The following SCYL3 variants were observed in gnomAD, a reference collection of about 807,000 sequenced individuals.
SCYL3 encodes the protein protein-associating with the carboxyl-terminal domain of ezrin.
In SCYL3, 35 loss-of-function variants were observed where a neutral mutation model predicts 73.8. The ratio of observed to expected loss-of-function variants is 0.47; its 90% CI spans 0.36 to 0.63. SCYL3 has a LOEUF of 0.63. Among genes scored for constraint, SCYL3 ranks in the 20% least tolerant of loss-of-function variants. The probability of loss-of-function intolerance (pLI) is 0.00; values close to 1 mark genes in which losing one functional copy is unlikely to be tolerated. For synonymous variants in SCYL3, 277 were observed against 295.2 expected (o/e 0.94, Z 0.63); for missense variants, 712 against 798.9 (o/e 0.89, Z 1.31).
At chr1:169,873,046 G>C (rs1266939998) in intron 5 of SCYL3, among the ~76,000 whole-genome samples, 1 of 152,130 alleles carries the variant, frequency 6.6e-6, no homozygotes, top group African/African-American at 2.4e-5. Flanking sequence ...GAAATGTGAG[G>C]ACATGAGACT....
At position 169,862,682 on chromosome 1, in the gene SCYL3, C is replaced by G; in HGVS notation, c.1071G>C (p.Leu357=). The G allele has an allele frequency of 1.2e-6, 2 of 1,614,224 alleles. No individual in the cohort carries two copies. The highest frequency in any genetic ancestry group is 2.2e-5 in the South Asian group (2 of 91,086). ...CCACGTAGGCCTCGATGTGAGACAGCAGCACCATCCGCACATGCTCTTCAT... is the reference window on the plus strand; with the variant it reads ...CCACGTAGGCCTCGATGTGAGACAGGAGCACCATCCGCACATGCTCTTCAT... ...EVHEEHVRMV[L]LSHIEAYVEH... is the part of the protein sequence containing the mutation. Residue 357 remains leucine (L), a synonymous_variant, in exon 10 of 13, where the codon CTG becomes CTC. Transcript: ENST00000367771.
In SCYL3 at chr1:169,893,882, G is replaced by C. The variant is rs1355638454; in HGVS notation, c.-145C>G. The C allele has an allele frequency of 6.5e-6, 1 of 152,834 alleles. No homozygotes were observed. The highest frequency in any genetic ancestry group is 1.9e-4 in the East Asian group (1 of 5,208). 9.5% of individuals were successfully genotyped at this position (152,834 alleles called of 1,614,324 possible). ...ACCAACCACCCCTGCCTGCCTGTAA[G>C]GCTGTGGCCACTACACCCACAATCT... On this transcript the variant is annotated 5_prime_UTR_variant, in exon 1 of 13. Transcript: ENST00000367771.
chr1:169,854,139 ATTT>A, intron 12 of SCYL3, 128 bp downstream of exon 12: 2 of 696,002 alleles, frequency 2.9e-6, no homozygotes, highest in Non-Finnish European at 4.5e-6. Flanking sequence ...ATAGAAACTG[ATTT>A]TGTTAATTTT....
intron 3 of SCYL3, 127 bp downstream of exon 3, chr1:169,878,507 T>C (rs1661011633): frequency 2.4e-6 from 2 of 839,668 alleles, no homozygotes; most frequent in Non-Finnish European, 3.5e-6. Flanking sequence ...CCTCAGGAAG[T>C]TTTCTAATAA....
At chr1:169,863,762 T>C (rs577939490) in intron 9 of SCYL3, among the ~76,000 whole-genome samples, 10 of 152,302 alleles carry the variant, frequency 6.6e-5, no homozygotes, top group Admixed American at 5.2e-4. Flanking sequence ...AGTAGAGATA[T>C]AAGGAAATTC....
intron 7 of SCYL3, 30 bp downstream of exon 7, chr1:169,868,898 A>C (rs1446899215): frequency 1.3e-6 from 2 of 1,529,054 alleles, no homozygotes; most frequent in Non-Finnish European, 1.8e-6. Flanking sequence ...TTCCGGAAGC[A>C]GCTGGCGTCA....
At chr1:169,880,003 C>T (rs1661135842) in intron 2 of SCYL3, among the ~76,000 whole-genome samples, 1 of 152,012 alleles carries the variant, frequency 6.6e-6, no homozygotes, top group Non-Finnish European at 1.5e-5. Context: ...TTTGGGGACT[C>T]ACACCTGTAA....
At chr1:169,862,112 T>C (rs1056301293) in intron 10 of SCYL3, among the ~76,000 whole-genome samples, 2 of 152,210 alleles carry the variant, frequency 1.3e-5, no homozygotes, top group Admixed American at 6.5e-5. Context: ...AATAAATTTG[T>C]ATTGCTTTAA....
In SCYL3 at chr1:169,853,754, C is replaced by T. The variant is rs1327875193; in HGVS notation, c.2026G>A (p.Glu676Lys). The T allele has an allele frequency of 6.2e-7, 1 of 1,613,800 alleles. No homozygotes were observed. Residue 676 changes from glutamate (E) to lysine (K), a missense_variant, in exon 13 of 13, where the codon GAA (glutamate) becomes AAA (lysine). Glu to Lys is a moderately conservative substitution (Grantham distance 56, BLOSUM62 1). Coordinates refer to ENST00000367771, the MANE Select transcript of SCYL3 (RefSeq NM_020423.7). ...EITEGEAEGW[E>K]EEGELNWEDN... is the part of the protein sequence containing the mutation. ...TCCCAGTTCAGCTCCCCTTCTTCTTCCCAGCCTTCAGCCTCTCCCTGCAAC... is the reference window on the plus strand; with the variant it reads ...TCCCAGTTCAGCTCCCCTTCTTCTTTCCAGCCTTCAGCCTCTCCCTGCAAC...
intron 3 of SCYL3, among the ~76,000 whole-genome samples, chr1:169,876,969 A>T (rs1176147398): frequency 2.0e-5 from 3 of 147,028 alleles, no homozygotes; most frequent in Non-Finnish European, 4.5e-5. Flanking sequence ...AAAAAAAAAA[A>T]AAAAAAAAAA....
chr1:169,888,685 T>C lies in SCYL3; in HGVS notation c.156A>G (p.Lys52=), dbSNP rs1227712515. 4.3e-6 allele frequency: 7 copies of C among 1,613,596 alleles called. No individual in the cohort carries two copies. Among genetic ancestry groups the C allele is most frequent in the Non-Finnish European group, 5.9e-6 (7 of 1,179,754 alleles). ...TCACCTATTATGGTACCTTGGCAGC[T>C]TTATTAACCTTGTCTTCATTTTCTC... ...YKRENEDKVN[K]AAKHLKTLRH... The change falls in exon 2 of 13, where the codon AAA becomes AAG. Residue 52 remains lysine, a synonymous_variant. Transcript: ENST00000367771.
At position 169,850,381 on chromosome 1, in the gene SCYL3, T is replaced by G; in HGVS notation, c.*3332A>C. On this transcript the variant is annotated 3_prime_UTR_variant, in exon 13 of 13. Transcript: ENST00000367771. ...TACATGGCTCATGTTTTATTCTTTG[T>G]CCTATTTTTTTTTTTCCGAAATTAT... 1 of 1,457,994 alleles carries G rather than the reference T, an allele frequency of 6.9e-7. No individual in the cohort carries two copies. The highest frequency in any genetic ancestry group is 1.4e-5 in the African/African-American group (1 of 70,244). 90.3% of individuals were successfully genotyped at this position (1,457,994 alleles called of 1,614,324 possible).
chr1:169,850,143 G>T lies in SCYL3; in HGVS notation c.*3570C>A, dbSNP rs2272916. 1.6e-6 allele frequency: 1 copy of T among 625,060 alleles called. No homozygotes were observed. Among genetic ancestry groups the T allele is most frequent in the Non-Finnish European group, 2.8e-6 (1 of 354,220 alleles). The allele number at this position is 625,060 out of a possible 1,614,324, so 38.7% of individuals were successfully genotyped here. ...GGAATCATGAGTTTATCACCTTTGAGGATCCTCTGGGACTCTTACTTAAAA... is the reference window on the plus strand; with the variant it reads ...GGAATCATGAGTTTATCACCTTTGATGATCCTCTGGGACTCTTACTTAAAA... On this transcript the variant is annotated 3_prime_UTR_variant, in exon 13 of 13. Coordinates refer to ENST00000367771, the MANE Select transcript of SCYL3 (RefSeq NM_020423.7).
chr1:169,880,598 CAA>C (rs76593745), intron 2 of SCYL3, among the ~76,000 whole-genome samples: 4 of 86,912 alleles, frequency 4.6e-5, no homozygotes, highest in Non-Finnish European at 2.9e-5. Context: ...CTTTTGGTGA[CAA>C]AAAAAAAAAC....
At chr1:169,882,108 A>C (rs927016450) in intron 2 of SCYL3, among the ~76,000 whole-genome samples, 2 of 152,116 alleles carry the variant, frequency 1.3e-5, no homozygotes, top group Non-Finnish European at 2.9e-5. Flanking sequence ...GGGAGGTGTG[A>C]AGGGAGAGGT....
chr1:169,859,345 AG>A, intron 10 of SCYL3, 133 bp from the exon 11 acceptor site: 1 of 786,436 alleles, frequency 1.3e-6, no homozygotes, highest in Non-Finnish European at 1.9e-6. Flanking sequence ...GTTCCAGGTC[AG>A]TGGCTCTCAA....
chr1:169,872,878 T>C (rs745863879), intron 5 of SCYL3, among the ~76,000 whole-genome samples: 3 of 152,314 alleles, frequency 2.0e-5, no homozygotes, highest in Non-Finnish European at 2.9e-5. Flanking sequence ...TGTACCCCCA[T>C]TGTATCTAGG....
rs767802612 is a variant in SCYL3 at position 169,878,677 on chromosome 1, C to T, written c.308G>A (p.Gly103Glu). ...ETLSSAEVCA[G>E]IYDILLALIF... ...AAGAGCCAGCAATATGTCATAGATCCCAGCACAGACCTCTGCAGAAGACAA... is the reference window on the plus strand; with the variant it reads ...AAGAGCCAGCAATATGTCATAGATCTCAGCACAGACCTCTGCAGAAGACAA... Residue 103 changes from glycine to glutamate, a missense_variant, in exon 3 of 13, where the codon GGG (glycine) becomes GAG (glutamate). This residue lies in a region of SCYL3 where 342 missense variants were observed against 448.1 expected (regional missense o/e 0.76). Transcript: ENST00000367771. 1 of 1,614,086 alleles carries T rather than the reference C, an allele frequency of 6.2e-7. No homozygotes were observed. The highest frequency in any genetic ancestry group is 8.5e-7 in the Non-Finnish European group (1 of 1,180,000).
At chr1:169,869,167 A>T in intron 6 of SCYL3, 128 bp from the exon 7 acceptor site, 2 of 692,312 alleles carry the variant, frequency 2.9e-6, no homozygotes, top group Non-Finnish European at 5.0e-6. Flanking sequence ...GGCTGTTGCT[A>T]AACAGCTTCC....
Sources: allele counts gnomAD v4.1 joint callset (sites outside exome capture counted in the v4.1 genomes callset), GRCh38; gene constraint gnomAD v4.1.1; regional missense constraint gnomAD v4.1.1; transcripts MANE v1.5; gene names NCBI Gene and HGNC (gene_info 2026-07-23, HGNC 2026-07-21).